MAML3: variants seen among roughly 807,000 people sequenced by gnomAD.
MAML3 encodes mastermind like transcriptional coactivator 3, also known as mastermind-like protein 3.
Under a neutral mutation model 101.9 loss-of-function variants are expected in MAML3, and 27 were observed. The observed-to-expected ratio is 0.27, with a 90% CI of 0.20 to 0.37. The LOEUF (loss-of-function observed/expected upper bound fraction) is 0.37, where lower values mean the gene tolerates loss of function less well. Ranked by LOEUF, MAML3 falls within the 10% of genes least tolerant of loss-of-function variation. The pLI, the probability that MAML3 is intolerant of heterozygous loss-of-function variation, is 1.00. For synonymous variants in MAML3, 501 were observed against 555.9 expected, an observed-to-expected ratio of 0.90 and a Z score of 1.39; for missense variants, 1,316 against 1,444.9, an observed-to-expected ratio of 0.91 and a Z score of 1.45.
At chr4:139,791,709 C>T (rs1730418738) in intron 2 of MAML3, among the ~76,000 whole-genome samples, 2 of 152,130 alleles carry the variant, frequency 1.3e-5, no homozygotes, top group South Asian at 2.1e-4. Context: ...TGAAAGTTAA[C>T]CACTGAGCTA....
At chr4:139,872,120 C>T (rs1388215973) in intron 2 of MAML3, among the ~76,000 whole-genome samples, 2 of 152,160 alleles carry the variant, frequency 1.3e-5, no homozygotes, top group African/African-American at 4.8e-5. Context: ...AAAAGGTATA[C>T]AGAGAAATAA....
chr4:139,771,677 A>G (rs1698128318), intron 2 of MAML3, among the ~76,000 whole-genome samples: 1 of 152,226 alleles, frequency 6.6e-6, no homozygotes, highest in Admixed American at 6.5e-5. Flanking sequence ...AAGATTTCTC[A>G]GGAAACCCTT....
At chr4:139,830,972 T>G (rs976905396) in intron 2 of MAML3, among the ~76,000 whole-genome samples, 2 of 152,118 alleles carry the variant, frequency 1.3e-5, no homozygotes, top group African/African-American at 4.8e-5. Context: ...AAAGCAATAT[T>G]GATAGAGTGC....
chr4:139,728,482 TG>T, intron 3 of MAML3, among the ~76,000 whole-genome samples: 1 of 152,346 alleles, frequency 6.6e-6, no homozygotes, highest in South Asian at 2.1e-4. Flanking sequence ...TGAGGTGGGC[TG>T]GGAAATTATT....
intron 2 of MAML3, among the ~76,000 whole-genome samples, chr4:139,792,385 T>C (rs1216642233): frequency 2.0e-5 from 3 of 152,214 alleles, no homozygotes; most frequent in Non-Finnish European, 4.4e-5. Context: ...ATCAACTTAG[T>C]TTAAAAATAT....
chr4:140,052,998 A>T (rs1727293446), intron 1 of MAML3, among the ~76,000 whole-genome samples: 2 of 152,226 alleles, frequency 1.3e-5, no homozygotes, highest in Admixed American at 1.3e-4. Context: ...CCCAATATCC[A>T]GTATCACCCT....
intron 1 of MAML3, among the ~76,000 whole-genome samples, chr4:140,048,189 T>C (rs1418768140): frequency 6.6e-6 from 1 of 152,182 alleles, no homozygotes; most frequent in Non-Finnish European, 1.5e-5. Context: ...GGGCAGTATT[T>C]CAAGAATGAA....
At chr4:139,749,811 C>T (rs1214314549) in intron 2 of MAML3, among the ~76,000 whole-genome samples, 1 of 152,088 alleles carries the variant, frequency 6.6e-6, no homozygotes, top group Non-Finnish European at 1.5e-5. Flanking sequence ...AATTATTTTA[C>T]AGTTATTCTA....
In MAML3 at chr4:139,772,082, T is replaced by C. The variant is rs1178494167; in HGVS notation, c.2080-41415A>G. On this transcript the variant is annotated intron_variant, in intron 2 of 4. Transcript: ENST00000509479. ...GTGAAACCCCCGTCTCTACTAAAAA[T>C]ACAAAAAATTAGCTGGGCGCGGTGG... is the stretch of plus-strand genomic sequence containing the variant. Among the ~76,000 whole-genome samples the C allele has an allele frequency of 3.4e-5, 5 of 149,202 alleles. No individual in the cohort carries two copies. In the South Asian group the frequency reaches 6.4e-4, roughly 19 times the overall value.
At chr4:139,971,462 C>A (rs1228937695) in intron 1 of MAML3, among the ~76,000 whole-genome samples, 3 of 152,048 alleles carry the variant, frequency 2.0e-5, no homozygotes, top group Admixed American at 6.5e-5. Flanking sequence ...GAGAATAAAC[C>A]CTCAATATTC....
At chr4:139,837,534 A>T (rs185766326) in intron 2 of MAML3, among the ~76,000 whole-genome samples, 1 of 152,138 alleles carries the variant, frequency 6.6e-6, no homozygotes, top group Non-Finnish European at 1.5e-5. Flanking sequence ...CAAACAAAAC[A>T]AAATCACTTT....
At position 139,801,633 on chromosome 4, in the gene MAML3, GGTGTGTGTGGGTGTGT is replaced by G. The variant is rs1307419725; in HGVS notation, c.2080-70982_2080-70967del. On this transcript the variant is annotated intron_variant, in intron 2 of 4. Transcript: ENST00000509479. ...CCTAATTTGAAAAGAGCAGGAACAGGGTGTGTGTGGGTGTGTGTGTGTGTGTGTGTGTGTGTGTGTG... is the reference window on the plus strand; with the variant it reads ...CCTAATTTGAAAAGAGCAGGAACAGGGTGTGTGTGTGTGTGTGTGTGTGTG... Among the ~76,000 whole-genome samples the G allele has an allele frequency of 3.8e-3, 560 of 146,522 alleles. 3 individuals carry two copies. The highest frequency in any genetic ancestry group is 0.014 in the African/African-American group (533 of 39,072).
chr4:140,083,936 A>G (rs888959605), intron 1 of MAML3, among the ~76,000 whole-genome samples: 34 of 81,240 alleles, frequency 4.2e-4, no homozygotes, highest in African/African-American at 1.4e-3. Context: ...ACGCGCGCAC[A>G]CACACACACA....
intron 1 of MAML3, among the ~76,000 whole-genome samples, chr4:139,910,447 G>A (rs369742152): frequency 1.3e-5 from 2 of 152,144 alleles, no homozygotes; most frequent in African/African-American, 4.8e-5. Flanking sequence ...TGCTACTGAG[G>A]TACTGGCTTT....
intron 2 of MAML3, among the ~76,000 whole-genome samples, chr4:139,801,350 T>C (rs1025679393): frequency 3.3e-5 from 5 of 152,252 alleles, no homozygotes; most frequent in African/African-American, 1.2e-4. Flanking sequence ...GGGTTTCCTT[T>C]TTCTGTTTGT....
chr4:139,780,136 G>C (rs1225609183), intron 2 of MAML3, among the ~76,000 whole-genome samples: 1 of 152,196 alleles, frequency 6.6e-6, no homozygotes, highest in Non-Finnish European at 1.5e-5. Context: ...CTGCAGGCGT[G>C]TCAGCCACTT....
chr4:140,075,085 G>A (rs765178008), intron 1 of MAML3, among the ~76,000 whole-genome samples: 6 of 152,154 alleles, frequency 3.9e-5, no homozygotes, highest in Non-Finnish European at 8.8e-5. Context: ...GCTTATGATA[G>A]ACTCAGCACT....
chr4:139,751,405 TAATACAC>T (rs1274213372), intron 2 of MAML3, among the ~76,000 whole-genome samples: 2 of 152,204 alleles, frequency 1.3e-5, no homozygotes, highest in African/African-American at 4.8e-5. Flanking sequence ...GTATGTTTCA[TAATACAC>T]GTTATACACA....
In MAML3 at chr4:139,717,856, G is replaced by A. The variant is rs1389384296; in HGVS notation, c.*1467C>T. 1 of 152,312 alleles carries A rather than the reference G, an allele frequency of 6.6e-6. No individual in the cohort carries two copies. Among genetic ancestry groups the A allele is most frequent in the Non-Finnish European group, 1.5e-5 (1 of 68,100 alleles). The allele number at this position is 152,312 out of a possible 1,614,324, so 9.4% of individuals were successfully genotyped here. A position where few individuals can be genotyped will look rare whatever the true frequency, so the allele number is the denominator to read the frequency against. On this transcript the variant is annotated 3_prime_UTR_variant, in exon 5 of 5. Transcript: ENST00000509479. ...GGGGGATTGGGAGGGGAGGCAAGGAGCCTTGTTGATTCCTTCTGACAGATT... is the reference window on the plus strand; with the variant it reads ...GGGGGATTGGGAGGGGAGGCAAGGAACCTTGTTGATTCCTTCTGACAGATT...
Sources: allele counts gnomAD v4.1 joint callset (sites outside exome capture counted in the v4.1 genomes callset), GRCh38; gene constraint gnomAD v4.1.1; transcripts MANE v1.5; gene names NCBI Gene and HGNC (gene_info 2026-07-23, HGNC 2026-07-21).